The following UNC79 variants were observed in gnomAD, a reference collection of about 807,000 sequenced individuals.
UNC79 encodes unc-79 subunit of NALCN channel complex, also known as protein unc-79 homolog.
UNC79 carries 37 observed loss-of-function variants against 283.1 expected under a neutral mutation model. That is an observed-to-expected ratio of 0.13 (90% CI 0.10 to 0.17). The LOEUF (loss-of-function observed/expected upper bound fraction) is 0.17, where lower values mean the gene tolerates loss of function less well. Among genes scored for constraint, UNC79 ranks in the 10% least tolerant of loss-of-function variants. The pLI is 1.00. For synonymous variants in UNC79, 1,107 were observed against 1,200.2 expected (o/e 0.92, Z 1.61); for missense variants, 2,272 against 3,211.1 (o/e 0.71, Z 7.07).
intron 1 of UNC79, among the ~76,000 whole-genome samples, chr14:93,395,455 GGA>G (rs1362032103): frequency 1.3e-5 from 2 of 152,150 alleles, no homozygotes; most frequent in East Asian, 3.9e-4. Context: ...TGGTGGAGCA[GGA>G]GAGAGAGCAA....
chr14:93,558,389 T>C (rs1423864580), intron 14 of UNC79, among the ~76,000 whole-genome samples: 1 of 152,086 alleles, frequency 6.6e-6, no homozygotes, highest in African/African-American at 2.4e-5. Context: ...ACCCCGTCTC[T>C]ACTAAAAATA....
chr14:93,346,926 C>T (rs1017568901), intron 1 of UNC79, among the ~76,000 whole-genome samples: 3 of 149,672 alleles, frequency 2.0e-5, no homozygotes, highest in African/African-American at 5.0e-5. Context: ...GTGGAAAAGG[C>T]GGGGCAGAGC....
intron 1 of UNC79, among the ~76,000 whole-genome samples, chr14:93,359,654 A>C (rs1467670471): frequency 6.6e-6 from 1 of 152,188 alleles, no homozygotes; most frequent in Non-Finnish European, 1.5e-5. Flanking sequence ...ATTGATAGGA[A>C]GCCTACTGCA....
At chr14:93,472,974 T>C (rs2057601081) in intron 2 of UNC79, among the ~76,000 whole-genome samples, 1 of 152,134 alleles carries the variant, frequency 6.6e-6, no homozygotes, top group Non-Finnish European at 1.5e-5. Flanking sequence ...AACCTAAACA[T>C]TTTGCTAAGC....
chr14:93,502,021 AGAT>A (rs1426394588), intron 7 of UNC79, among the ~76,000 whole-genome samples: 4 of 152,222 alleles, frequency 2.6e-5, no homozygotes, highest in African/African-American at 9.6e-5. Flanking sequence ...CATACAAAGA[AGAT>A]CAAATAATAA....
At chr14:93,397,407 C>T (rs2055020411) in intron 1 of UNC79, among the ~76,000 whole-genome samples, 1 of 152,172 alleles carries the variant, frequency 6.6e-6, no homozygotes, top group African/African-American at 2.4e-5. Flanking sequence ...AATGGCAATT[C>T]CTTTAGGAAT....
At chr14:93,473,510 T>C (rs2057634648) in intron 2 of UNC79, among the ~76,000 whole-genome samples, 1 of 152,212 alleles carries the variant, frequency 6.6e-6, no homozygotes, top group South Asian at 2.1e-4. Flanking sequence ...TGACAGAATG[T>C]CATGAAACAG....
chr14:93,582,444 C>G, intron 20 of UNC79, 100 bp downstream of exon 20: 1 of 1,511,228 alleles, frequency 6.6e-7, no homozygotes, highest in Middle Eastern at 2.4e-4. Flanking sequence ...CAAATTCAGA[C>G]GTGGTTTCCT....
At chr14:93,431,446 C>T (rs2055874276) in intron 1 of UNC79, among the ~76,000 whole-genome samples, 1 of 151,892 alleles carries the variant, frequency 6.6e-6, no homozygotes, top group Non-Finnish European at 1.5e-5. Flanking sequence ...CAGTTGCAAC[C>T]AAAGCCTGCC....
chr14:93,624,079 C>A (rs1224788122), intron 30 of UNC79, among the ~76,000 whole-genome samples: 1 of 152,134 alleles, frequency 6.6e-6, no homozygotes, highest in Non-Finnish European at 1.5e-5. Context: ...TGCACCAGGT[C>A]ACATGGCCAG....
At chr14:93,442,335 T>C (rs2056330298) in intron 1 of UNC79, among the ~76,000 whole-genome samples, 1 of 152,194 alleles carries the variant, frequency 6.6e-6, no homozygotes, top group East Asian at 1.9e-4. Context: ...GTTGGGTGTT[T>C]TTTGCTTATC....
At chr14:93,427,200 A>G (rs1435831601), upstream of UNC79, among the ~76,000 whole-genome samples, 1 of 152,136 alleles carries the variant, frequency 6.6e-6, no homozygotes, top group East Asian at 1.9e-4. Context: ...TCTTTCTCAC[A>G]GTTCTCCCTT....
At chr14:93,341,854 T>C (rs2139881684) in intron 1 of UNC79, among the ~76,000 whole-genome samples, 1 of 152,318 alleles carries the variant, frequency 6.6e-6, no homozygotes, top group South Asian at 2.1e-4. Context: ...CTCTTTTGAC[T>C]CCATGTCTCA....
At chr14:93,570,159 G>A (rs1376414900) in intron 14 of UNC79, among the ~76,000 whole-genome samples, 1 of 152,120 alleles carries the variant, frequency 6.6e-6, no homozygotes, top group Non-Finnish European at 1.5e-5. Context: ...GTGCTGCTCA[G>A]GCTGGTCTTG....
chr14:93,622,380 C>T, exon 30 of UNC79: 13 of 1,614,194 alleles, frequency 8.1e-6, no homozygotes, highest in Non-Finnish European at 1.1e-5. Context: ...GCCCTCATCA[C>T]TCTGGAAGAC....
At chr14:93,399,327 A>G (rs150530847) in intron 1 of UNC79, among the ~76,000 whole-genome samples, 16 of 152,248 alleles carry the variant, frequency 1.1e-4, no homozygotes, top group Admixed American at 2.6e-4. Context: ...GGTCACATCA[A>G]ATTTCTTGTT....
chr14:93,410,881 G>C (rs2055320976), intron 1 of UNC79, among the ~76,000 whole-genome samples: 1 of 152,050 alleles, frequency 6.6e-6, no homozygotes, highest in South Asian at 2.1e-4. Flanking sequence ...CACATTCTTA[G>C]CTGTGGTGGC....
At chr14:93,435,567 T>C (rs1045549339) in intron 1 of UNC79, among the ~76,000 whole-genome samples, 3 of 152,276 alleles carry the variant, frequency 2.0e-5, no homozygotes, top group Non-Finnish European at 4.4e-5. Flanking sequence ...GGAAGTACAG[T>C]CCTCTATCTC....
chr14:93,621,750 A>C lies in UNC79; in HGVS notation c.4517A>C (p.Asn1506Thr). ...AAACAAAAATCTCTTGATATAGGGAATGCAGACTCGCTTTTGTTTACATTA... is the reference window on the plus strand; with the variant it reads ...AAACAAAAATCTCTTGATATAGGGACTGCAGACTCGCTTTTGTTTACATTA... The change falls in exon 30 of 49, where the codon AAT becomes ACT. Residue 1506 changes from asparagine (N) to threonine (T), a missense_variant. Coordinates refer to ENST00000555664, the Ensembl canonical transcript of UNC79. The surrounding 1 kb of genome is among the most constrained non-coding windows in gnomAD (Gnocchi z 4.8). 6.2e-7 allele frequency: 1 copy of C among 1,614,172 alleles called. No homozygotes were observed. Among genetic ancestry groups the C allele is most frequent in the Non-Finnish European group, 8.5e-7 (1 of 1,180,022 alleles).
Sources: allele counts gnomAD v4.1 joint callset (sites outside exome capture counted in the v4.1 genomes callset), GRCh38; gene constraint gnomAD v4.1.1; non-coding constraint Gnocchi (gnomAD v3.1); transcripts MANE v1.5; gene names NCBI Gene and HGNC (gene_info 2026-07-23, HGNC 2026-07-21).